The following POLN variants were observed in gnomAD, a reference collection of about 807,000 sequenced individuals.
POLN encodes DNA polymerase nu, also known as DNA polymerase N.
POLN carries 108 observed loss-of-function variants against 113.5 expected under a neutral mutation model. The observed-to-expected ratio is 0.95, with a 90% confidence interval of 0.81 to 1.12. The LOEUF is 1.12. POLN is among the 50% of genes most tolerant of loss of function. The pLI is 0.00. For synonymous variants in POLN, 386 were observed against 391.5 expected (o/e 0.99, Z 0.17); for missense variants, 1,097 against 1,077.1 (o/e 1.02, Z -0.26).
chr4:2,179,527 G>C, intron 7 of POLN, 62 bp from the exon 8 acceptor site: 1 of 1,521,848 alleles, frequency 6.6e-7, no homozygotes. Context: ...TTCCTGCTTT[G>C]ACAAAGTTCT....
chr4:2,081,819 C>A, intron 21 of POLN, 76 bp from the exon 22 acceptor site: 2 of 1,265,094 alleles, frequency 1.6e-6, no homozygotes, highest in Non-Finnish European at 1.1e-6. Flanking sequence ...CGGGCCAGGT[C>A]CAGAGGCCAC....
At chr4:2,147,458 G>T (rs557157021) in intron 16 of POLN, among the ~76,000 whole-genome samples, 148 of 152,112 alleles carry the variant, frequency 9.7e-4, no homozygotes, top group Admixed American at 2.1e-3. Flanking sequence ...GGAAAGAGGA[G>T]GATTTAGAAA....
At chr4:2,193,617 C>T (rs544153335) in intron 6 of POLN, among the ~76,000 whole-genome samples, 15 of 152,308 alleles carry the variant, frequency 9.8e-5, no homozygotes, top group African/African-American at 3.4e-4. Context: ...CTACTCTGGG[C>T]TCTTTAGAGC....
At chr4:2,172,208 A>G (rs769724509) in intron 11 of POLN, among the ~76,000 whole-genome samples, 1 of 152,218 alleles carries the variant, frequency 6.6e-6, no homozygotes, top group South Asian at 2.1e-4. Context: ...GACTGCCTGC[A>G]TGACCTGAAA....
At chr4:2,154,900 T>C (rs1000036190) in intron 16 of POLN, among the ~76,000 whole-genome samples, 20 of 152,212 alleles carry the variant, frequency 1.3e-4, no homozygotes, top group African/African-American at 3.6e-4. Context: ...ACATGTTATG[T>C]TTACATCTCA....
intron 6 of POLN, among the ~76,000 whole-genome samples, chr4:2,194,856 CCA>C (rs1733536307): frequency 6.6e-6 from 1 of 151,922 alleles, no homozygotes; most frequent in African/African-American, 2.4e-5. Flanking sequence ...ATGATCACAA[CCA>C]CTGCACTCCA....
At chr4:2,152,560 A>T (rs183790990) in intron 16 of POLN, among the ~76,000 whole-genome samples, 17 of 152,094 alleles carry the variant, frequency 1.1e-4, no homozygotes, top group Admixed American at 4.6e-4. Context: ...TCTGATTTTT[A>T]AAAATATTAG....
At chr4:2,135,422 CT>C (rs985257467) in intron 16 of POLN, among the ~76,000 whole-genome samples, 1 of 152,212 alleles carries the variant, frequency 6.6e-6, no homozygotes, top group African/African-American at 2.4e-5. Context: ...CCAACCAGAT[CT>C]GTGAATGTCT....
chr4:2,170,700 G>C lies in POLN; in HGVS notation c.1533C>G (p.Tyr511Ter), dbSNP rs768414993. Residue 511 changes from tyrosine to a stop codon, truncating the protein, a stop_gained, in exon 13 of 26, where the codon TAC (tyrosine) becomes TAG (stop). Transcript: ENST00000511885. LOFTEE classifies it high-confidence loss of function. ...NSLPRTGLQK[Y>*]PSTSEAVLNA... is the part of the protein sequence containing the mutation. ...TTACCACTGCTTCTGATGTAGACGG[G>C]TATTTCTGCAACCCCGTTCTGGGGA... 14 of 1,613,852 alleles carry C rather than the reference G, an allele frequency of 8.7e-6. No homozygotes were observed. Among genetic ancestry groups the C allele is most frequent in the Admixed American group, 1.7e-5 (1 of 59,992 alleles).
intron 19 of POLN, among the ~76,000 whole-genome samples, chr4:2,100,866 A>G (rs560332047): frequency 7.9e-5 from 12 of 152,360 alleles, no homozygotes; most frequent in Non-Finnish European, 1.5e-4. Context: ...TATGAAGTTA[A>G]ATGCCTACTT....
intron 5 of POLN, among the ~76,000 whole-genome samples, chr4:2,205,037 G>A (rs961204783): frequency 6.6e-6 from 1 of 152,180 alleles, no homozygotes; most frequent in Non-Finnish European, 1.5e-5. Context: ...AACAAGACAA[G>A]GATGCCCACT....
chr4:2,211,048 C>T (rs1733981328), intron 4 of POLN, among the ~76,000 whole-genome samples: 1 of 150,582 alleles, frequency 6.6e-6, no homozygotes, highest in South Asian at 2.1e-4. Flanking sequence ...GTCAGGAGTT[C>T]GAGACTAGCC....
intron 7 of POLN, among the ~76,000 whole-genome samples, chr4:2,182,938 A>G (rs1733179939): frequency 6.6e-6 from 1 of 152,236 alleles, no homozygotes; most frequent in Non-Finnish European, 1.5e-5. Context: ...ATTAGAATAT[A>G]TAAATAATTC....
intron 3 of POLN, among the ~76,000 whole-genome samples, chr4:2,222,705 TTTTTTTTA>T (rs1390833387): frequency 2.7e-5 from 4 of 147,954 alleles, no homozygotes; most frequent in Admixed American, 1.3e-4. Flanking sequence ...CTTTTTTTTT[TTTTTTTTA>T]TTTTTCCACA....
chr4:2,221,806 C>A (rs1203753542), intron 3 of POLN, among the ~76,000 whole-genome samples: 1 of 152,158 alleles, frequency 6.6e-6, no homozygotes, highest in Non-Finnish European at 1.5e-5. Flanking sequence ...AACTCCTGAC[C>A]TCAAGGGATC....
intron 9 of POLN, among the ~76,000 whole-genome samples, chr4:2,175,751 C>T (rs1206492467): frequency 6.6e-6 from 1 of 152,226 alleles, no homozygotes; most frequent in African/African-American, 2.4e-5. Context: ...GTCACATCAC[C>T]CGGGCCACTC....
At chr4:2,166,731 T>A (rs1732737916) in intron 13 of POLN, among the ~76,000 whole-genome samples, 1 of 152,142 alleles carries the variant, frequency 6.6e-6, no homozygotes, top group South Asian at 2.1e-4. Flanking sequence ...TCTCCCGTGT[T>A]TGGACTCTAG....
intron 20 of POLN, chr4:2,089,762 A>T: frequency 2.8e-6 from 2 of 723,926 alleles, no homozygotes; most frequent in Non-Finnish European, 4.6e-6. Flanking sequence ...ATGGACTTTA[A>T]ATCTGGTATT....
chr4:2,218,542 C>A (rs1452463551), intron 3 of POLN, among the ~76,000 whole-genome samples: 2 of 152,114 alleles, frequency 1.3e-5, no homozygotes, highest in Non-Finnish European at 1.5e-5. Flanking sequence ...TGTGGTGGGC[C>A]CCAGAATATC....
Sources: allele counts gnomAD v4.1 joint callset (sites outside exome capture counted in the v4.1 genomes callset), GRCh38; gene constraint gnomAD v4.1.1; transcripts MANE v1.5; gene names NCBI Gene and HGNC (gene_info 2026-07-23, HGNC 2026-07-21).